VPS13C: variants seen among roughly 807,000 people sequenced by gnomAD.
VPS13C encodes intermembrane lipid transfer protein VPS13C.
VPS13C carries 358 observed loss-of-function variants against 456.8 expected under a neutral mutation model. That is an observed-to-expected ratio of 0.78 (90% CI 0.72 to 0.86). The LOEUF (loss-of-function observed/expected upper bound fraction) is 0.86, where lower values mean the gene tolerates loss of function less well. VPS13C is among the 40% of genes least tolerant of loss of function. The probability of loss-of-function intolerance (pLI) is 0.00; values close to 1 mark genes in which losing one functional copy is unlikely to be tolerated. For synonymous variants in VPS13C, 1,578 were observed against 1,486.7 expected, an observed-to-expected ratio of 1.06 and a Z score of -1.41; for missense variants, 4,818 against 4,385.4, an observed-to-expected ratio of 1.10 and a Z score of -2.79.
chr15:61,900,445 C>T (rs1320400291), intron 66 of VPS13C, among the ~76,000 whole-genome samples: 2 of 152,170 alleles, frequency 1.3e-5, no homozygotes, highest in East Asian at 1.9e-4. Context: ...GTACAAAAAT[C>T]ACAAGTATTC....
chr15:62,046,043 T>C (rs2048390260), intron 1 of VPS13C, among the ~76,000 whole-genome samples: 1 of 152,162 alleles, frequency 6.6e-6, no homozygotes, highest in Non-Finnish European at 1.5e-5. Flanking sequence ...TTCTATGTAA[T>C]AAAGTTCATT....
At chr15:61,865,850 G>T in intron 81 of VPS13C, 1 of 930,574 alleles carries the variant, frequency 1.1e-6, no homozygotes. Flanking sequence ...ACATCTCATG[G>T]AAATATAATA....
rs1443801188 is a variant in VPS13C at position 61,969,454 on chromosome 15, TA to T, written c.2758-3del. 2.0e-6 allele frequency: 3 copies of T among 1,516,274 alleles called. No individual in the cohort carries two copies. Among genetic ancestry groups the T allele is most frequent in the Non-Finnish European group, 2.7e-6 (3 of 1,127,166 alleles). The allele number at this position is 1,516,274 out of a possible 1,614,324, so 93.9% of individuals were successfully genotyped here. A position where few individuals can be genotyped will look rare whatever the true frequency, so the allele number is the denominator to read the frequency against. ...CTGTTTAGTAAATTCCAAAATCACC[TA>T]AAAGAATTAGAGTCAATGAAAAGTT... On this transcript the variant is annotated splice_region_variant and splice_polypyrimidine_tract_variant and intron_variant, in intron 27 of 84. Transcript: ENST00000644861.
At chr15:61,918,281 G>T in intron 58 of VPS13C, 24 bp from the exon 59 acceptor site, 1 of 1,511,816 alleles carries the variant, frequency 6.6e-7, no homozygotes, top group East Asian at 2.4e-5. Context: ...AAAAATACAA[G>T]TTTTTTAAAA....
At chr15:62,044,425 G>C (rs1219622233) in intron 1 of VPS13C, among the ~76,000 whole-genome samples, 170 bp from the exon 2 acceptor site, 1 of 152,138 alleles carries the variant, frequency 6.6e-6, no homozygotes, top group Non-Finnish European at 1.5e-5. Context: ...ATATGCTCAA[G>C]AGTTATTAAT....
intron 82 of VPS13C, among the ~76,000 whole-genome samples, chr15:61,861,665 G>A (rs1179742646): frequency 6.6e-6 from 1 of 151,996 alleles, no homozygotes; most frequent in East Asian, 1.9e-4. Context: ...CACAGTGAGA[G>A]ACCCCATTTC....
Position 61,931,087 on chromosome 15 carries a change from A to G in VPS13C, c.6038+3T>C, listed in dbSNP as rs771085154. 9 of 1,613,872 alleles carry G rather than the reference A, an allele frequency of 5.6e-6. No individual in the cohort carries two copies. The Admixed American group carries it at 1.5e-4, about 27-fold the overall frequency. ...ATGTATTGCAAACTCAGAGCTGACAAACCTCGATGTTGCTCTCTCAATTCC... is the reference window on the plus strand; with the variant it reads ...ATGTATTGCAAACTCAGAGCTGACAGACCTCGATGTTGCTCTCTCAATTCC... On this transcript the variant is annotated splice_donor_region_variant and intron_variant, in intron 50 of 84. Coordinates refer to ENST00000644861, the MANE Select transcript of VPS13C (RefSeq NM_020821.3).
rs866705902 is a variant in VPS13C, at chr15:62,037,302, A to T, written c.188-2250T>A. On this transcript the variant is annotated intron_variant, in intron 3 of 84. Coordinates refer to ENST00000644861, the MANE Select transcript of VPS13C (RefSeq NM_020821.3). ...TATTATATATATTATATTATATAAT[A>T]TATATATAAATATATTATATATTAT... is the stretch of plus-strand genomic sequence containing the variant. Among the ~76,000 whole-genome samples, 96 of 66,826 alleles carry T rather than the reference A, an allele frequency of 1.4e-3. 1 individual carries two copies. Among genetic ancestry groups the T allele is most frequent in the African/African-American group, 6.4e-3 (87 of 13,536 alleles). 43.8% of individuals were successfully genotyped at this position (66,826 alleles called of 152,430 possible). A position where few individuals can be genotyped will look rare whatever the true frequency, so the allele number is the denominator to read the frequency against.
At chr15:62,025,497 A>C (rs942839657) in intron 6 of VPS13C, among the ~76,000 whole-genome samples, 1 of 152,118 alleles carries the variant, frequency 6.6e-6, no homozygotes, top group African/African-American at 2.4e-5. Context: ...CTAGCCCTGA[A>C]AACCATTCCA....
At chr15:61,870,813 G>C (rs1287794940) in intron 79 of VPS13C, among the ~76,000 whole-genome samples, 1 of 152,102 alleles carries the variant, frequency 6.6e-6, no homozygotes, top group African/African-American at 2.4e-5. Context: ...CATCCCAGTA[G>C]GTGTGAAACG....
intron 66 of VPS13C, among the ~76,000 whole-genome samples, chr15:61,900,773 T>C (rs1244785722): frequency 6.6e-6 from 1 of 151,572 alleles, no homozygotes; most frequent in Non-Finnish European, 1.5e-5. Flanking sequence ...AAAGTTCATA[T>C]GGAACCAAAA....
intron 9 of VPS13C, 24 bp from the exon 10 acceptor site, chr15:62,014,016 G>A: frequency 6.3e-7 from 1 of 1,575,034 alleles, no homozygotes; most frequent in African/African-American, 1.4e-5. Context: ...GGGAATACCT[G>A]TGAAACGTGG....
Position 61,873,147 on chromosome 15 carries a change from G to A in VPS13C, c.10578+99C>T, listed in dbSNP as rs190969794. ...ATTTATCATTCTTTCTATTCCTACA[G>A]GCCTAGACTCATAAGCAGCATTCTA... On this transcript the variant is annotated intron_variant, in intron 78 of 84. Transcript: ENST00000644861. 260 of 1,537,252 alleles carry A rather than the reference G, an allele frequency of 1.7e-4. No individual in the cohort carries two copies. The African/African-American group carries it at 2.4e-3, about 14-fold the overall frequency.
rs1283137518 is a variant in VPS13C at position 61,856,290 on chromosome 15, A to G, written c.11072T>C (p.Val3691Ala). The G allele has an allele frequency of 1.2e-6, 2 of 1,613,086 alleles. No homozygotes were observed. Among genetic ancestry groups the G allele is most frequent in the East Asian group, 4.5e-5 (2 of 44,780 alleles). The change falls in exon 83 of 85, where the codon GTT (valine) becomes GCT (alanine). Residue 3691 changes from valine to alanine, a missense_variant. Physicochemically the swap from Val to Ala is moderately conservative, Grantham distance 64. Around this residue, in one of 3 missense-constraint regions of VPS13C, gnomAD observed 261 missense variants for 234.1 expected, o/e 1.11. Transcript: ENST00000644861. ...SVSENVLKIS[V>A]KEQGLFHKKD... is the part of the protein sequence containing the mutation. ...AGGTGTGACATGTTTTCTTACCTTA[A>G]CTGAAATTTTTAGCACATTTTCACT...
chr15:61,942,538 A>G (rs2044464952), intron 45 of VPS13C, among the ~76,000 whole-genome samples: 1 of 149,264 alleles, frequency 6.7e-6, no homozygotes, highest in Admixed American at 6.6e-5. Flanking sequence ...CTTATTTCTG[A>G]TAAGGCTTTT....
intron 1 of VPS13C, among the ~76,000 whole-genome samples, chr15:62,058,367 T>C (rs2048870661): frequency 6.6e-6 from 1 of 152,190 alleles, no homozygotes; most frequent in South Asian, 2.1e-4. Flanking sequence ...TTACATTGTA[T>C]TGAGTGTGGT....
intron 8 of VPS13C, among the ~76,000 whole-genome samples, chr15:62,021,053 A>G (rs896425208): frequency 8.5e-5 from 13 of 152,108 alleles, no homozygotes; most frequent in South Asian, 4.1e-4. Context: ...GCAGAAAAAC[A>G]AACTGCACGT....
At chr15:61,889,932 T>C (rs1233103310) in intron 67 of VPS13C, among the ~76,000 whole-genome samples, 2 of 151,982 alleles carry the variant, frequency 1.3e-5, no homozygotes, top group African/African-American at 2.4e-5. Context: ...CAAACCACTT[T>C]TTCCCCCACC....
chr15:61,991,747 C>T lies in VPS13C; in HGVS notation c.1409G>A (p.Arg470His), dbSNP rs142155201. The change falls in exon 17 of 85, where the codon CGT becomes CAT. Residue 470 changes from arginine (R) to histidine (H), a missense_variant. Physicochemically the swap from Arg to His is conservative, Grantham distance 29. Coordinates refer to ENST00000644861, the MANE Select transcript of VPS13C (RefSeq NM_020821.3). ...CCACAACCCACTAAACCAGCCTCCA[C>T]GTTTCTCGCCTGTGTCAGCAGACTT... is the stretch of plus-strand genomic sequence containing the variant. ...RKKSADTGEK[R>H]GGWFSGLWGK... 8.7e-5 allele frequency: 140 copies of T among 1,613,588 alleles called. No individual in the cohort carries two copies. Among genetic ancestry groups the T allele is most frequent in the Non-Finnish European group, 1.1e-4 (133 of 1,179,752 alleles).
Sources: gnomAD v4.1 joint callset for allele counts (sites outside exome capture counted in the v4.1 genomes callset) on GRCh38, gnomAD v4.1.1 for gene constraint, gnomAD v4.1.1 regional missense constraint, MANE v1.5 for transcripts, NCBI Gene and HGNC (gene_info 2026-07-23, HGNC 2026-07-21) for gene names.